Variants in THBS2 observed in about 807,000 individuals in gnomAD.
THBS2 encodes thrombospondin-2.
A neutral mutation model predicts 135.2 loss-of-function variants in THBS2; 47 were observed. The observed-to-expected ratio is 0.35, with a 90% confidence interval of 0.28 to 0.44. The LOEUF (loss-of-function observed/expected upper bound fraction) is 0.44. Ranked by LOEUF, THBS2 falls within the 20% of genes least tolerant of loss-of-function variation. THBS2 has a pLI of 1.00. For synonymous variants in THBS2, 639 were observed against 633.8 expected (o/e 1.01, Z -0.12); for missense variants, 1,288 against 1,603.1 (o/e 0.80, Z 3.36).
chr6:169,235,922 CACTCACTACTCAGTCCAA>C, intron 9 of THBS2, among the ~76,000 whole-genome samples: 1 of 130,726 alleles, frequency 7.6e-6, no homozygotes, highest in Non-Finnish European at 1.6e-5. Flanking sequence ...CCTCTGTCCA[CACTCACTACTCAGTCCAA>C]ACTCACTCCC....
intron 21 of THBS2, 95 bp downstream of exon 21, chr6:169,220,103 G>A (rs2114971035): frequency 6.8e-7 from 1 of 1,479,986 alleles, no homozygotes; most frequent in East Asian, 2.3e-5. Flanking sequence ...TTGCCCTGAT[G>A]TACAGCTTTT....
chr6:169,240,370 C>G, intron 6 of THBS2, 82 bp downstream of exon 6: 1 of 1,565,278 alleles, frequency 6.4e-7, no homozygotes, highest in East Asian at 2.3e-5. Context: ...CAGCACTGAA[C>G]GCTGGCATTT....
Position 169,217,436 on chromosome 6 carries a change from A to G in THBS2, c.*386T>C, listed in dbSNP as rs1247076422. 1 of 211,426 alleles carries G rather than the reference A, an allele frequency of 4.7e-6. No individual in the cohort carries two copies. Among genetic ancestry groups the G allele is most frequent in the Non-Finnish European group, 9.3e-6 (1 of 107,448 alleles). The allele number at this position is 211,426 out of a possible 1,614,324, so 13.1% of individuals were successfully genotyped here. A position where few individuals can be genotyped will look rare whatever the true frequency, so the allele number is the denominator to read the frequency against. ...ATATTTTTCATGCTTAATTTATCATAATGGCTTATGCACAGTATTCCCTTC... is the reference window on the plus strand; with the variant it reads ...ATATTTTTCATGCTTAATTTATCATGATGGCTTATGCACAGTATTCCCTTC... On this transcript the variant is annotated 3_prime_UTR_variant, in exon 22 of 22. Transcript: ENST00000617924.
chr6:169,225,039 T>A, intron 17 of THBS2, 106 bp downstream of exon 17: 1 of 1,161,692 alleles, frequency 8.6e-7, no homozygotes. Flanking sequence ...CATTGCCCTT[T>A]TTCCAGCAGC....
intron 20 of THBS2, 64 bp from the exon 21 acceptor site, chr6:169,220,401 A>C: frequency 6.4e-7 from 1 of 1,555,248 alleles, no homozygotes; most frequent in South Asian, 1.2e-5. Flanking sequence ...TGAAGCATTC[A>C]CCAGTGATGG....
intron 9 of THBS2, among the ~76,000 whole-genome samples, chr6:169,236,586 C>T (rs566607835): frequency 3.8e-4 from 52 of 137,414 alleles, no homozygotes; most frequent in African/African-American, 1.3e-3. Flanking sequence ...CACACTCACT[C>T]CCCATCCACA....
intron 4 of THBS2, among the ~76,000 whole-genome samples, chr6:169,243,416 C>T (rs954078376): frequency 1.3e-5 from 2 of 152,256 alleles, no homozygotes; most frequent in African/African-American, 4.8e-5. Context: ...CCTGCTCCCT[C>T]TCAGGGGTGA....
intron 1 of THBS2, chr6:169,251,853 C>T (rs1266711023): frequency 3.6e-4 from 50 of 140,100 alleles, no homozygotes; most frequent in African/African-American, 1.1e-3. Flanking sequence ...ACCATCTGCT[C>T]CCCCCAGTGC....
chr6:169,247,582 TG>T (rs1210103560), intron 3 of THBS2, among the ~76,000 whole-genome samples: 2 of 152,192 alleles, frequency 1.3e-5, no homozygotes, highest in African/African-American at 4.8e-5. Flanking sequence ...ATGTGATGTG[TG>T]TGACTGTGTA....
At chr6:169,231,075 T>C (rs963995460) in intron 13 of THBS2, among the ~76,000 whole-genome samples, 4 of 152,218 alleles carry the variant, frequency 2.6e-5, no homozygotes, top group African/African-American at 9.6e-5. Flanking sequence ...CCACGATGGA[T>C]GTCCGCGTCC....
At chr6:169,242,964 T>C (rs201313013) in intron 4 of THBS2, among the ~76,000 whole-genome samples, 42 of 8,520 alleles carry the variant, frequency 4.9e-3, no homozygotes, top group Middle Eastern at 0.1. Context: ...ACCTTCCCAC[T>C]GCTCCCACCT....
intron 13 of THBS2, among the ~76,000 whole-genome samples, chr6:169,231,438 G>C (rs1478992751): frequency 6.6e-6 from 1 of 152,214 alleles, no homozygotes; most frequent in Non-Finnish European, 1.5e-5. Context: ...TGAGATAACA[G>C]ATTCCTGTTG....
intron 13 of THBS2, among the ~76,000 whole-genome samples, chr6:169,231,726 C>T (rs1779840485): frequency 6.6e-6 from 1 of 152,192 alleles, no homozygotes; most frequent in Non-Finnish European, 1.5e-5. Context: ...CGCGCAATTG[C>T]AAATATGGGC....
In THBS2 at chr6:169,239,437, C is replaced by G. The variant is rs1780214954; in HGVS notation, c.1129+162G>C. 7.7e-6 allele frequency: 5 copies of G among 650,704 alleles called. No homozygotes were observed. The South Asian group carries it at 9.6e-5, about 12-fold the overall frequency. 40.3% of individuals were successfully genotyped at this position (650,704 alleles called of 1,614,324 possible). On this transcript the variant is annotated intron_variant, in intron 7 of 21. Transcript: ENST00000617924. ...TCCTTTCTAGCCATGAGTCAGTCCT[C>G]AGTGGATGACCAGTGGCCTGGGGTG...
chr6:169,252,694 C>T lies in THBS2; in HGVS notation c.-23+1030G>A, dbSNP rs1389652603. Among the ~76,000 whole-genome samples, 6 of 152,120 alleles carry T rather than the reference C, an allele frequency of 3.9e-5. 1 individual carries two copies. The highest frequency in any genetic ancestry group is 3.9e-4 in the East Asian group (2 of 5,184). On this transcript the variant is annotated intron_variant, in intron 1 of 21. Coordinates refer to ENST00000617924, the MANE Select transcript of THBS2 (RefSeq NM_003247.5). The surrounding 1 kb of genome is among the most constrained non-coding windows in gnomAD (Gnocchi z 4.3). ...CTGGCCTCAGCCCATCCAGGGACAC[C>T]GGGCATGCATGGATGGAGCCACGGA... is the stretch of plus-strand genomic sequence containing the variant.
chr6:169,237,502 A>C (rs1780139876), intron 8 of THBS2, 123 bp downstream of exon 8: 1 of 1,519,870 alleles, frequency 6.6e-7, no homozygotes, highest in African/African-American at 1.4e-5. Flanking sequence ...TCACCTGGCT[A>C]GAATCCTTGC....
rs968092191 is a variant in THBS2 at position 169,216,169 on chromosome 6, C to CAACA, written c.*1649_*1652dup. ...AAAAGTAAAAAGTGCAGCAAAACAA[C>CAACA]AACACAACGATCAACCTCAAAGGAA... On this transcript the variant is annotated 3_prime_UTR_variant, in exon 22 of 22. Coordinates refer to ENST00000617924, the MANE Select transcript of THBS2 (RefSeq NM_003247.5). 6.6e-6 allele frequency: 1 copy of CAACA among 152,120 alleles called. No individual in the cohort carries two copies. Among genetic ancestry groups the CAACA allele is most frequent in the Non-Finnish European group, 1.5e-5 (1 of 68,036 alleles). The allele number at this position is 152,120 out of a possible 1,614,324, so 9.4% of individuals were successfully genotyped here. A position where few individuals can be genotyped will look rare whatever the true frequency, so the allele number is the denominator to read the frequency against.
At position 169,248,599 on chromosome 6, in the gene THBS2, C is replaced by G; in HGVS notation, c.427G>C (p.Gly143Arg). The change falls in exon 3 of 22, where the codon GGC becomes CGC. Residue 143 changes from glycine (G) to arginine (R), a missense_variant. Gly to Arg is a moderately radical substitution (Grantham distance 125, BLOSUM62 -2). This residue lies in a region of THBS2 where 414 missense variants were observed against 447.0 expected (regional missense o/e 0.93). Coordinates refer to ENST00000617924, the MANE Select transcript of THBS2 (RefSeq NM_003247.5). ...TRHVVSLEDV[G>R]LADSQWKNVT... ...TTCTTCCACTGCGAGTCAGCCAGGC[C>G]GACGTCCTCCAGGGAGACCACATGC... 1 of 1,613,992 alleles carries G rather than the reference C, an allele frequency of 6.2e-7. No individual in the cohort carries two copies. The highest frequency in any genetic ancestry group is 8.5e-7 in the Non-Finnish European group (1 of 1,180,030).
intron 13 of THBS2, among the ~76,000 whole-genome samples, chr6:169,231,262 G>C (rs1396242357): frequency 6.6e-6 from 1 of 152,180 alleles, no homozygotes; most frequent in Admixed American, 6.5e-5. Flanking sequence ...GGAAGTTTCC[G>C]GAGAGAAAGG....
Sources: allele counts gnomAD v4.1 joint callset (sites outside exome capture counted in the v4.1 genomes callset), GRCh38; gene constraint gnomAD v4.1.1; regional missense constraint gnomAD v4.1.1; non-coding constraint Gnocchi (gnomAD v3.1); transcripts MANE v1.5; gene names NCBI Gene and HGNC (gene_info 2026-07-23, HGNC 2026-07-21).